The following MGLL variants were observed in gnomAD, a reference collection of about 807,000 sequenced individuals.
MGLL encodes the protein monoglyceride lipase, also known as lysophospholipase homolog.
MGLL carries 7 observed loss-of-function variants against 29.1 expected under a neutral mutation model. The observed-to-expected ratio is 0.24, with a 90% CI of 0.14 to 0.45. MGLL has a LOEUF of 0.45. MGLL is among the 20% of genes least tolerant of loss of function. The pLI is 0.99. For missense variants in MGLL, 356 were observed against 413.6 expected (o/e 0.86, Z 1.21); for synonymous variants, 148 against 168.3 (o/e 0.88, Z 0.93).
At chr3:127,695,635 T>C (rs2075345544) in intron 6 of MGLL, among the ~76,000 whole-genome samples, 1 of 152,118 alleles carries the variant, frequency 6.6e-6, no homozygotes. Flanking sequence ...TCCCAGCTAC[T>C]TGGGAGGCTG....
chr3:127,759,777 G>T (rs898053182), intron 3 of MGLL, among the ~76,000 whole-genome samples: 1 of 152,190 alleles, frequency 6.6e-6, no homozygotes, highest in Non-Finnish European at 1.5e-5. Flanking sequence ...CTCAACACAG[G>T]GTCCTTGGAA....
chr3:127,694,286 A>AAAAT (rs1174705130), intron 7 of MGLL, among the ~76,000 whole-genome samples: 2,938 of 97,570 alleles, frequency 0.03, 88 homozygotes, highest in Non-Finnish European at 0.043. Flanking sequence ...AAAAAAAAAA[A>AAAAT]ATATATATAT....
intron 3 of MGLL, among the ~76,000 whole-genome samples, chr3:127,759,319 C>T (rs151170688): frequency 1.3e-5 from 2 of 152,296 alleles, no homozygotes; most frequent in Non-Finnish European, 2.9e-5. Flanking sequence ...GGCTCTCAAC[C>T]CTTCTCTCTG....
At chr3:127,757,116 G>A (rs2076678731) in intron 3 of MGLL, among the ~76,000 whole-genome samples, 5 of 152,186 alleles carry the variant, frequency 3.3e-5, no homozygotes, top group Admixed American at 3.3e-4. Context: ...ACCATCAACA[G>A]CTTCTGCTGT....
intron 2 of MGLL, among the ~76,000 whole-genome samples, chr3:127,788,589 G>C (rs2077251952): frequency 1.3e-5 from 2 of 152,094 alleles, no homozygotes; most frequent in Non-Finnish European, 2.9e-5. Context: ...CAACCACAGG[G>C]AAAGACGTGT....
chr3:127,717,415 T>C (rs572647252), intron 5 of MGLL, among the ~76,000 whole-genome samples: 30 of 152,328 alleles, frequency 2.0e-4, no homozygotes, highest in African/African-American at 6.5e-4. Flanking sequence ...AGCAAGACAT[T>C]TGGCCTCATT....
At chr3:127,754,402 C>T (rs1044403631) in intron 3 of MGLL, among the ~76,000 whole-genome samples, 13 of 152,196 alleles carry the variant, frequency 8.5e-5, no homozygotes, top group Non-Finnish European at 1.8e-4. Flanking sequence ...CAAGTGCCTT[C>T]CAGGACTGCA....
At chr3:127,719,697 A>G (rs1486230619) in intron 5 of MGLL, among the ~76,000 whole-genome samples, 3 of 152,178 alleles carry the variant, frequency 2.0e-5, no homozygotes, top group Non-Finnish European at 2.9e-5. Context: ...CGCACGTTTC[A>G]ATGATGAAGA....
Position 127,738,586 on chromosome 3 carries a change from T to A in MGLL, c.263-16020A>T, listed in dbSNP as rs1313168954. On this transcript the variant is annotated intron_variant, in intron 3 of 7. Transcript: ENST00000265052. Reference sequence around the variant, plus strand: ...TGCCAGGCTGGAGCACCCTGCAGCCTGGGTCCCACTCCTTGGGCCTGCCTG... The same window carrying A: ...TGCCAGGCTGGAGCACCCTGCAGCCAGGGTCCCACTCCTTGGGCCTGCCTG... 3.3e-5 allele frequency among the ~76,000 whole-genome samples: 5 copies of A among 152,318 alleles called. No homozygotes were observed. In the East Asian group the frequency reaches 9.7e-4, roughly 29 times the overall value.
chr3:127,800,887 C>A (rs545931517), intron 2 of MGLL, among the ~76,000 whole-genome samples: 2 of 152,226 alleles, frequency 1.3e-5, no homozygotes, highest in African/African-American at 2.4e-5. Context: ...CCTCTAAACT[C>A]AGCTCAGAGT....
At chr3:127,756,021 C>T (rs2076657918) in intron 3 of MGLL, among the ~76,000 whole-genome samples, 1 of 152,154 alleles carries the variant, frequency 6.6e-6, no homozygotes, top group Non-Finnish European at 1.5e-5. Context: ...CACAGGATGG[C>T]ATGGATAGAT....
chr3:127,721,782 C>G (rs1217849810), intron 4 of MGLL, among the ~76,000 whole-genome samples: 1 of 152,146 alleles, frequency 6.6e-6, no homozygotes, highest in African/African-American at 2.4e-5. Flanking sequence ...GGGCAGGAGG[C>G]AAGGCCTGCC....
intron 6 of MGLL, among the ~76,000 whole-genome samples, chr3:127,706,808 C>T (rs937739093): frequency 6.6e-6 from 1 of 152,196 alleles, no homozygotes; most frequent in Non-Finnish European, 1.5e-5. Flanking sequence ...GGAGGGAACT[C>T]CCGTGGAAGG....
chr3:127,818,086 G>A (rs548913370), intron 2 of MGLL, among the ~76,000 whole-genome samples: 22 of 152,156 alleles, frequency 1.4e-4, no homozygotes, highest in Non-Finnish European at 1.2e-4. Flanking sequence ...TCAGCCTCCC[G>A]AGTAGCGGGG....
chr3:127,818,616 T>C (rs767643965), intron 2 of MGLL, among the ~76,000 whole-genome samples: 1 of 152,180 alleles, frequency 6.6e-6, no homozygotes, highest in Non-Finnish European at 1.5e-5. Flanking sequence ...ATGTAAGAAT[T>C]TATCAGGAAA....
At chr3:127,788,372 C>T (rs1376905130) in intron 2 of MGLL, among the ~76,000 whole-genome samples, 1 of 152,142 alleles carries the variant, frequency 6.6e-6, no homozygotes, top group Non-Finnish European at 1.5e-5. Context: ...GGATAGCTTG[C>T]CTGAGGTCAC....
At chr3:127,731,946 G>A (rs960594149) in intron 3 of MGLL, among the ~76,000 whole-genome samples, 16 of 152,166 alleles carry the variant, frequency 1.1e-4, no homozygotes, top group African/African-American at 3.6e-4. Context: ...TAATAAATTC[G>A]TGATAATCCT....
At chr3:127,768,491 T>C (rs576979558) in intron 3 of MGLL, among the ~76,000 whole-genome samples, 1 of 152,332 alleles carries the variant, frequency 6.6e-6, no homozygotes, top group South Asian at 2.1e-4. Flanking sequence ...GGTGTGTGGT[T>C]TAGGGATCAG....
intron 6 of MGLL, among the ~76,000 whole-genome samples, chr3:127,702,886 G>T (rs2075521463): frequency 6.6e-6 from 1 of 152,142 alleles, no homozygotes; most frequent in African/African-American, 2.4e-5. Flanking sequence ...ATAAAGACGG[G>T]GTTTCACCAT....
Sources: allele counts gnomAD v4.1 joint callset (sites outside exome capture counted in the v4.1 genomes callset), GRCh38; gene constraint gnomAD v4.1.1; transcripts MANE v1.5; gene names NCBI Gene and HGNC (gene_info 2026-07-23, HGNC 2026-07-21).